ERBB4: variants seen among roughly 807,000 people sequenced by gnomAD.
ERBB4 encodes erb-b2 receptor tyrosine kinase 4, also known as receptor tyrosine-protein kinase erbB-4.
Under a neutral mutation model 158.0 loss-of-function variants are expected in ERBB4, and 42 were observed. That is an observed-to-expected ratio of 0.27 (90% CI 0.21 to 0.34). The LOEUF (loss-of-function observed/expected upper bound fraction) is 0.34, where lower values mean the gene tolerates loss of function less well. Ranked by LOEUF, ERBB4 falls within the 10% of genes least tolerant of loss-of-function variation. The pLI is 1.00. For synonymous variants in ERBB4, 583 were observed against 558.7 expected (o/e 1.04, Z -0.61); for missense variants, 1,333 against 1,624.1 (o/e 0.82, Z 3.08).
intron 1 of ERBB4, among the ~76,000 whole-genome samples, chr2:212,345,357 T>C (rs368856977): frequency 6.6e-6 from 1 of 152,104 alleles, no homozygotes; most frequent in East Asian, 1.9e-4. Context: ...AACAGAGTTT[T>C]ATACTTTATT....
At chr2:211,884,005 T>C (rs1450559322) in intron 3 of ERBB4, among the ~76,000 whole-genome samples, 4 of 152,166 alleles carry the variant, frequency 2.6e-5, no homozygotes, top group African/African-American at 9.7e-5. Context: ...TACTTCTCTA[T>C]TGGAACTAAA....
chr2:211,974,740 T>C (rs863436), intron 2 of ERBB4, among the ~76,000 whole-genome samples: 137,075 of 152,136 alleles, frequency 0.9, 62,822 homozygotes, highest in East Asian at 1. Flanking sequence ...CCCACATGGG[T>C]GACAAAGTGA....
At chr2:211,825,257 T>C (rs1335431780) in intron 3 of ERBB4, among the ~76,000 whole-genome samples, 1 of 151,828 alleles carries the variant, frequency 6.6e-6, no homozygotes, top group Non-Finnish European at 1.5e-5. Context: ...TGATAATAAG[T>C]AGTTAACGGT....
chr2:211,567,573 T>C (rs1300906920), intron 19 of ERBB4, among the ~76,000 whole-genome samples: 2 of 152,136 alleles, frequency 1.3e-5, no homozygotes, highest in Non-Finnish European at 2.9e-5. Context: ...ACTTTTGCAT[T>C]TGAAAAGTTT....
chr2:212,189,821 T>G (rs2082133180), intron 1 of ERBB4, among the ~76,000 whole-genome samples: 1 of 152,230 alleles, frequency 6.6e-6, no homozygotes, highest in African/African-American at 2.4e-5. Context: ...AACCTCCATA[T>G]TTTACATGCT....
chr2:212,326,207 T>G lies in ERBB4; in HGVS notation c.83-201304A>C, dbSNP rs1038772863. On this transcript the variant is annotated intron_variant, in intron 1 of 27. Transcript: ENST00000342788. ...CACTTCAGGTCAAAAAGCAAAAGAA[T>G]ATCAAGAAAAAGTTTAAATAACATG... 2.0e-5 allele frequency among the ~76,000 whole-genome samples: 3 copies of G among 150,724 alleles called. No homozygotes were observed. The East Asian group carries it at 5.8e-4, about 29-fold the overall frequency.
At chr2:212,185,150 A>G (rs1283762488) in intron 1 of ERBB4, among the ~76,000 whole-genome samples, 1 of 151,690 alleles carries the variant, frequency 6.6e-6, no homozygotes, top group Admixed American at 6.6e-5. Flanking sequence ...CCTCCCGAGT[A>G]TCTGGGATTA....
intron 2 of ERBB4, among the ~76,000 whole-genome samples, chr2:211,960,051 C>T (rs950680409): frequency 6.6e-6 from 1 of 152,076 alleles, no homozygotes; most frequent in Non-Finnish European, 1.5e-5. Context: ...TAGGAACAGA[C>T]AATTGCCTAA....
intron 16 of ERBB4, among the ~76,000 whole-genome samples, chr2:211,642,208 C>T (rs1469007674): frequency 6.6e-6 from 1 of 152,058 alleles, no homozygotes; most frequent in Non-Finnish European, 1.5e-5. Flanking sequence ...CATTTTTAGT[C>T]TCTGTCTCTT....
At chr2:212,307,567 A>C (rs762596706) in intron 1 of ERBB4, among the ~76,000 whole-genome samples, 19 of 151,068 alleles carry the variant, frequency 1.3e-4, no homozygotes, top group Non-Finnish European at 2.2e-4. Flanking sequence ...GTTTTTATGT[A>C]ATACAGACAA....
intron 20 of ERBB4, among the ~76,000 whole-genome samples, chr2:211,504,965 C>A (rs1171167788): frequency 6.6e-6 from 1 of 152,028 alleles, no homozygotes; most frequent in Admixed American, 6.5e-5. Context: ...AGCAACCAAA[C>A]TGAAGACTTA....
chr2:211,535,032 G>C (rs921431710), intron 20 of ERBB4, among the ~76,000 whole-genome samples: 1 of 152,004 alleles, frequency 6.6e-6, no homozygotes, highest in African/African-American at 2.4e-5. Flanking sequence ...ATTCTAACTG[G>C]TTTTTCTTCT....
At chr2:212,085,780 G>A (rs180930726) in intron 2 of ERBB4, among the ~76,000 whole-genome samples, 10 of 151,740 alleles carry the variant, frequency 6.6e-5, no homozygotes, top group African/African-American at 2.2e-4. Context: ...AAGTGGCTTC[G>A]ATATATAAAG....
chr2:211,377,399 G>A lies in ERBB4; in HGVS notation c.*6216C>T, dbSNP rs2062494583. On this transcript the variant is annotated 3_prime_UTR_variant, in exon 28 of 28. Coordinates refer to ENST00000342788, the MANE Select transcript of ERBB4 (RefSeq NM_005235.3). ...TTTGTTTTCCTATATTTGTATATTT[G>A]CACAAATATAACCACTTCTCATGAT... The A allele has an allele frequency of 4.3e-6, 1 of 232,026 alleles. No homozygotes were observed. The highest frequency in any genetic ancestry group is 2.2e-5 in the African/African-American group (1 of 45,220). The allele number at this position is 232,026 out of a possible 1,614,324, so 14.4% of individuals were successfully genotyped here.
chr2:211,554,865 G>C (rs2067195137), intron 20 of ERBB4, among the ~76,000 whole-genome samples: 1 of 152,174 alleles, frequency 6.6e-6, no homozygotes, highest in South Asian at 2.1e-4. Flanking sequence ...TTGGGCAACA[G>C]CCTACTTTTT....
intron 1 of ERBB4, among the ~76,000 whole-genome samples, chr2:212,460,952 T>G (rs1688540365): frequency 6.6e-6 from 1 of 152,182 alleles, no homozygotes; most frequent in Non-Finnish European, 1.5e-5. Flanking sequence ...CCCATGCTGT[T>G]TGCAGCCTAG....
chr2:211,618,150 G>A (rs2069464749), intron 19 of ERBB4, among the ~76,000 whole-genome samples: 1 of 151,860 alleles, frequency 6.6e-6, no homozygotes, highest in African/African-American at 2.4e-5. Context: ...ATGTCAAGGG[G>A]TAATTACTTG....
At chr2:212,414,555 T>C (rs1456783906) in intron 1 of ERBB4, among the ~76,000 whole-genome samples, 2 of 152,160 alleles carry the variant, frequency 1.3e-5, no homozygotes, top group Non-Finnish European at 2.9e-5. Context: ...TTAACGAAAT[T>C]CCAAGGCTCC....
At position 212,310,981 on chromosome 2, in the gene ERBB4, T is replaced by C. The variant is rs77211514; in HGVS notation, c.83-186078A>G. ...CTTTAAATCTGGCATCTATTTTACA[T>C]GTAAAGCATAGCCTGTTTTGCACTA... On this transcript the variant is annotated intron_variant, in intron 1 of 27. Transcript: ENST00000342788. 4.9e-3 allele frequency among the ~76,000 whole-genome samples: 742 copies of C among 150,974 alleles called. 4 individuals are homozygous for C. Among genetic ancestry groups the C allele is most frequent in the African/African-American group, 0.016 (661 of 41,402 alleles).
Sources: allele counts gnomAD v4.1 joint callset (sites outside exome capture counted in the v4.1 genomes callset), GRCh38; gene constraint gnomAD v4.1.1; transcripts MANE v1.5; gene names NCBI Gene and HGNC (gene_info 2026-07-23, HGNC 2026-07-21).